TMC1: variants seen among roughly 807,000 people sequenced by gnomAD.
TMC1 encodes the protein transmembrane channel like 1.
In TMC1, 84 loss-of-function variants were observed where a neutral mutation model predicts 105.8. The ratio of observed to expected loss-of-function variants is 0.79; its 90% CI spans 0.67 to 0.95. The LOEUF (loss-of-function observed/expected upper bound fraction) is 0.95, where lower values mean the gene tolerates loss of function less well. Among genes scored for constraint, TMC1 ranks in the 40% least tolerant of loss-of-function variants. The pLI, the probability that TMC1 is intolerant of heterozygous loss-of-function variation, is 0.00. For synonymous variants in TMC1, 315 were observed against 311.5 expected (o/e 1.01, Z -0.12); for missense variants, 817 against 914.1 (o/e 0.89, Z 1.37).
intron 17 of TMC1, among the ~76,000 whole-genome samples, chr9:72,804,638 G>C (rs1828537876): frequency 6.6e-6 from 1 of 152,162 alleles, no homozygotes; most frequent in African/African-American, 2.4e-5. Context: ...GCTGTCATAG[G>C]CATTTCTAAA....
At chr9:72,636,762 T>G (rs935185227) in intron 4 of TMC1, among the ~76,000 whole-genome samples, 24 of 149,698 alleles carry the variant, frequency 1.6e-4, no homozygotes, top group Admixed American at 4.7e-4. Flanking sequence ...ATCTATGGTA[T>G]GTATTAGCAC....
At chr9:72,649,925 A>G (rs1234138669) in intron 5 of TMC1, among the ~76,000 whole-genome samples, 2 of 152,224 alleles carry the variant, frequency 1.3e-5, no homozygotes, top group African/African-American at 4.8e-5. Flanking sequence ...TTAATTGCCA[A>G]CCATCTCATT....
chr9:72,561,794 C>A (rs1009682734), intron 1 of TMC1, among the ~76,000 whole-genome samples: 7 of 152,200 alleles, frequency 4.6e-5, no homozygotes, highest in Non-Finnish European at 1.0e-4. Flanking sequence ...ATTTTAGGCA[C>A]ACGTTTGAAT....
chr9:72,584,125 A>AGGTATTCAATT (rs1824514138), intron 2 of TMC1, among the ~76,000 whole-genome samples: 2 of 152,244 alleles, frequency 1.3e-5, no homozygotes, highest in African/African-American at 2.4e-5. Flanking sequence ...TTGCAACAAA[A>AGGTATTCAATT]GCAACTTGAT....
At chr9:72,662,883 A>G (rs1413397496) in intron 5 of TMC1, among the ~76,000 whole-genome samples, 1 of 152,218 alleles carries the variant, frequency 6.6e-6, no homozygotes, top group East Asian at 1.9e-4. Flanking sequence ...CTGTCACAAC[A>G]AGAGTTAAGA....
chr9:72,640,656 G>A (rs1393028975), intron 4 of TMC1, among the ~76,000 whole-genome samples: 3 of 150,266 alleles, frequency 2.0e-5, no homozygotes, highest in Non-Finnish European at 3.0e-5. Context: ...TTTTTGAGAC[G>A]GAGTGCCGCT....
chr9:72,787,017 C>CA (rs79774726), intron 13 of TMC1, among the ~76,000 whole-genome samples: 2,312 of 101,596 alleles, frequency 0.023, 22 homozygotes, highest in Middle Eastern at 0.054. Flanking sequence ...TTTTGGCCTC[C>CA]AAAAAAAAAA....
At chr9:72,809,871 CTT>C (rs2118257744) in intron 18 of TMC1, among the ~76,000 whole-genome samples, 1 of 152,248 alleles carries the variant, frequency 6.6e-6, no homozygotes, top group Non-Finnish European at 1.5e-5. Context: ...CTTCACCACT[CTT>C]TTCTCTTACA....
chr9:72,578,000 C>A lies in TMC1; in HGVS notation c.-329C>A, dbSNP rs7856724. 0.13 allele frequency: 20,409 copies of A among 152,120 alleles called. 1,877 individuals are homozygous for A. The highest frequency in any genetic ancestry group is 0.25 in the African/African-American group (10,154 of 41,442). The allele number at this position is 152,120 out of a possible 1,614,324, so 9.4% of individuals were successfully genotyped here. A position where few individuals can be genotyped will look rare whatever the true frequency, so the allele number is the denominator to read the frequency against. ...GGTTCAAGTGATTCTCCTGCCTCGG[C>A]CTCCTGAGTAGCTGGGATTTCAGGT... is the stretch of plus-strand genomic sequence containing the variant. On this transcript the variant is annotated 5_prime_UTR_variant, in exon 2 of 24. Transcript: ENST00000297784.
intron 7 of TMC1, 116 bp downstream of exon 7, chr9:72,694,830 A>C: frequency 1.1e-6 from 1 of 935,014 alleles, no homozygotes; most frequent in Non-Finnish European, 1.6e-6. Context: ...GAGAGCCTTA[A>C]TCTGATGATG....
chr9:72,715,214 T>C (rs1217389700), intron 8 of TMC1, among the ~76,000 whole-genome samples: 1 of 152,238 alleles, frequency 6.6e-6, no homozygotes, highest in Non-Finnish European at 1.5e-5. Flanking sequence ...CATTTCAACC[T>C]TGGTAAATCT....
chr9:72,692,803 C>T (rs1444832), intron 6 of TMC1, among the ~76,000 whole-genome samples: 77,779 of 151,812 alleles, frequency 0.51, 21,238 homozygotes, highest in African/African-American at 0.73. Flanking sequence ...AATATATATA[C>T]AGTTTTCCAA....
At chr9:72,808,008 A>C (rs1828633358) in intron 18 of TMC1, among the ~76,000 whole-genome samples, 1 of 152,178 alleles carries the variant, frequency 6.6e-6, no homozygotes, top group Admixed American at 6.5e-5. Flanking sequence ...CCTGGTTTCC[A>C]CTGTCCTCCT....
At chr9:72,804,365 C>T (rs960299496) in intron 17 of TMC1, among the ~76,000 whole-genome samples, 3 of 151,862 alleles carry the variant, frequency 2.0e-5, no homozygotes, top group African/African-American at 4.8e-5. Context: ...TGCACGTGTA[C>T]CCCAGAACTT....
intron 2 of TMC1, among the ~76,000 whole-genome samples, chr9:72,610,016 C>G (rs569442984): frequency 2.0e-5 from 3 of 152,286 alleles, no homozygotes; most frequent in Admixed American, 6.5e-5. Flanking sequence ...ATTGACTCTA[C>G]TGCTCAGTGA....
chr9:72,766,343 G>A (rs1474965144), intron 12 of TMC1, among the ~76,000 whole-genome samples: 2 of 151,824 alleles, frequency 1.3e-5, no homozygotes, highest in Admixed American at 1.3e-4. Context: ...CATGAACCCA[G>A]GAGGCGGAGC....
At chr9:72,813,631 A>G (rs1439486040) in intron 18 of TMC1, among the ~76,000 whole-genome samples, 2 of 152,220 alleles carry the variant, frequency 1.3e-5, no homozygotes, top group Non-Finnish European at 2.9e-5. Flanking sequence ...CCAGTCATAG[A>G]TAATATATAA....
rs1439351996 is a variant in TMC1 at position 72,700,633 on chromosome 9, G to T, written c.352G>T (p.Glu118Ter). ...CKPWKMEKKIEVLKEAKKFVS... is the reference protein window; with the variant it reads ...CKPWKMEKKI ...ACCATGGAAGATGGAGAAGAAAATT[G>T]AAGTTCTCAAGTATGGTGCCACTTT... Residue 118 changes from glutamate to a stop codon, truncating the protein, a stop_gained, in exon 8 of 24, where the codon GAA (glutamate) becomes TAA (stop). Coordinates refer to ENST00000297784, the MANE Select transcript of TMC1 (RefSeq NM_138691.3). LOFTEE classifies it high-confidence loss of function. 3 of 1,597,214 alleles carry T rather than the reference G, an allele frequency of 1.9e-6. No individual in the cohort carries two copies. In the Admixed American group the frequency reaches 5.0e-5, roughly 27 times the overall value.
At chr9:72,682,013 A>G (rs555171893) in intron 5 of TMC1, among the ~76,000 whole-genome samples, 1 of 152,318 alleles carries the variant, frequency 6.6e-6, no homozygotes, top group Non-Finnish European at 1.5e-5. Context: ...AGTGACAGCT[A>G]TTATAACAGT....
Sources: allele counts gnomAD v4.1 joint callset (sites outside exome capture counted in the v4.1 genomes callset), GRCh38; gene constraint gnomAD v4.1.1; transcripts MANE v1.5; gene names NCBI Gene and HGNC (gene_info 2026-07-23, HGNC 2026-07-21).